KIF21B: variants seen among roughly 807,000 people sequenced by gnomAD.
KIF21B encodes kinesin family member 21B.
In KIF21B, 85 loss-of-function variants were observed where a neutral mutation model predicts 192.9. The observed-to-expected ratio is 0.44, with a 90% CI of 0.37 to 0.53. The LOEUF (loss-of-function observed/expected upper bound fraction) is 0.53. Among genes scored for constraint, KIF21B ranks in the 20% least tolerant of loss-of-function variants. KIF21B has a pLI of 0.00. For synonymous variants in KIF21B, 832 were observed against 884.6 expected (o/e 0.94, Z 1.05); for missense variants, 1,716 against 2,194.8 (o/e 0.78, Z 4.36).
intron 16 of KIF21B, 135 bp downstream of exon 16, chr1:200,992,147 C>T: frequency 1.4e-6 from 1 of 713,858 alleles, no homozygotes; most frequent in Non-Finnish European, 2.4e-6. Context: ...GCTGTACTGT[C>T]CTCCAAGCAT....
chr1:200,996,104 T>G (rs1481753371), intron 15 of KIF21B, 92 bp downstream of exon 15: 2 of 1,276,160 alleles, frequency 1.6e-6, no homozygotes. Flanking sequence ...AATCCACACT[T>G]GACAGCAATG....
intron 21 of KIF21B, 81 bp downstream of exon 21, chr1:200,989,861 G>T (rs993453141): frequency 1.3e-5 from 15 of 1,131,890 alleles, no homozygotes; most frequent in Non-Finnish European, 1.7e-5. Flanking sequence ...GAGGCGCCAG[G>T]CCCCTGGGCT....
In KIF21B at chr1:200,982,443, G is replaced by A. The variant is rs1297814805; in HGVS notation, c.3842+613C>T. ...CCCCAGGTCCTGAGTCTTGCTCCTC[G>A]TTGTGCGGTGTCATGCTCGGCTGGC... On this transcript the variant is annotated intron_variant, in intron 28 of 34. Coordinates refer to ENST00000461742, the MANE Select transcript of KIF21B (RefSeq NM_001252102.2). The surrounding 1 kb of genome is among the most constrained non-coding windows in gnomAD (Gnocchi z 4.7). 6.6e-6 allele frequency among the ~76,000 whole-genome samples: 1 copy of A among 152,176 alleles called. No individual in the cohort carries two copies. The highest frequency in any genetic ancestry group is 1.9e-4 in the East Asian group (1 of 5,186).
At chr1:201,020,062 T>C (rs1380840056) in intron 1 of KIF21B, among the ~76,000 whole-genome samples, 2 of 151,874 alleles carry the variant, frequency 1.3e-5, no homozygotes. Context: ...TATCCCCTAC[T>C]TAACCCTGTA....
At chr1:200,997,927 A>C (rs1657183012) in intron 14 of KIF21B, among the ~76,000 whole-genome samples, 1 of 152,206 alleles carries the variant, frequency 6.6e-6, no homozygotes, top group Non-Finnish European at 1.5e-5. Flanking sequence ...CAATATCTCT[A>C]GCACTAGAAC....
chr1:200,974,758 G>A lies in KIF21B; in HGVS notation c.4770C>T (p.Ile1590=). ...IGEIKGHDSP[I]NAICTNAKHI... ...GCTTGGCATTGGTGCAGATGGCATT[G>A]ATGGGACTGTCGTGGCCCTTGATCT... Residue 1590 remains isoleucine (I), a synonymous_variant, in exon 34 of 35, where the codon ATC becomes ATT. Transcript: ENST00000461742. The A allele has an allele frequency of 6.2e-7, 1 of 1,614,242 alleles. No individual in the cohort carries two copies. Among genetic ancestry groups the A allele is most frequent in the Non-Finnish European group, 8.5e-7 (1 of 1,180,030 alleles).
In KIF21B at chr1:200,988,470, T is replaced by C. The variant is rs377138372; in HGVS notation, c.3350+23A>G. 14 of 1,510,506 alleles carry C rather than the reference T, an allele frequency of 9.3e-6. No homozygotes were observed. In the African/African-American group the frequency reaches 1.3e-4, roughly 14 times the overall value. 93.6% of individuals were successfully genotyped at this position (1,510,506 alleles called of 1,614,324 possible). A position where few individuals can be genotyped will look rare whatever the true frequency, so the allele number is the denominator to read the frequency against. On this transcript the variant is annotated intron_variant, in intron 23 of 34. Coordinates refer to ENST00000461742, the MANE Select transcript of KIF21B (RefSeq NM_001252102.2). Reference sequence around the variant, plus strand: ...CAGGTACATGCTGTGAGCCAGCCTCTCACTCCCAGCTTGCAAACTCACCTG... The same window carrying C: ...CAGGTACATGCTGTGAGCCAGCCTCCCACTCCCAGCTTGCAAACTCACCTG...
chr1:200,994,067 G>A (rs1656890523), intron 15 of KIF21B, among the ~76,000 whole-genome samples: 1 of 152,156 alleles, frequency 6.6e-6, no homozygotes, highest in African/African-American at 2.4e-5. Flanking sequence ...GGGGCTTAAG[G>A]CTTCCTGGGG....
Position 201,005,665 on chromosome 1 carries a change from A to G in KIF21B, c.477T>C (p.Phe159=), listed in dbSNP as rs1657773746. Residue 159 remains phenylalanine, a synonymous_variant, in exon 4 of 35, where the codon TTT becomes TTC. Transcript: ENST00000461742. ...ELYNEEILDL[F]DSTRDPDTRH... is the part of the protein sequence containing the mutation. ...GGGTGTCAGGGTCACGGGTGCTGTC[A>G]AACAGGTCAAGGATCTCCTCGTTGT... The G allele has an allele frequency of 8.1e-6, 13 of 1,614,132 alleles. No homozygotes were observed. Among genetic ancestry groups the G allele is most frequent in the Non-Finnish European group, 1.1e-5 (13 of 1,180,016 alleles).
chr1:200,970,823 T>C lies in KIF21B; in HGVS notation c.*2698A>G, dbSNP rs1328913523. ...AGAGAGCGCTTTACTCCTGGTCCCA[T>C]GGCGTAAAGATGTGGCTGGGCCTGA... is the stretch of plus-strand genomic sequence containing the variant. On this transcript the variant is annotated 3_prime_UTR_variant, in exon 35 of 35. Coordinates refer to ENST00000461742, the MANE Select transcript of KIF21B (RefSeq NM_001252102.2). The C allele has an allele frequency of 6.6e-6, 1 of 152,356 alleles. No individual in the cohort carries two copies. The highest frequency in any genetic ancestry group is 2.4e-5 in the African/African-American group (1 of 41,434). 9.4% of individuals were successfully genotyped at this position (152,356 alleles called of 1,614,324 possible). A position where few individuals can be genotyped will look rare whatever the true frequency, so the allele number is the denominator to read the frequency against.
At position 201,013,255 on chromosome 1, in the gene KIF21B, C is replaced by T. The variant is rs114090310; in HGVS notation, c.42-3767G>A. On this transcript the variant is annotated intron_variant, in intron 1 of 34. Coordinates refer to ENST00000461742, the MANE Select transcript of KIF21B (RefSeq NM_001252102.2). ...TCTGCCCTGGCTCTCTTGTGGTTTA[C>T]GAGCCACTGCTTCCTTCTAGGTTAC... Among the ~76,000 whole-genome samples, 1,198 of 152,268 alleles carry T rather than the reference C, an allele frequency of 7.9e-3. 22 individuals carry two copies. The highest frequency in any genetic ancestry group is 0.028 in the African/African-American group (1,153 of 41,538).
Position 201,002,315 on chromosome 1 carries a change from G to A in KIF21B, c.1248C>T (p.Gly416=). 1 of 1,614,168 alleles carries A rather than the reference G, an allele frequency of 6.2e-7. No individual in the cohort carries two copies. The highest frequency in any genetic ancestry group is 8.5e-7 in the Non-Finnish European group (1 of 1,180,018). ...CATTCTCTCGGAACAGATCACTATA[G>A]CCCTCAGCGCCATCCTCTCCTATCA... ...KRVIGEDGAE[G]YSDLFRENAM... The change falls in exon 9 of 35, where the codon GGC becomes GGT. Residue 416 remains glycine (G), a synonymous_variant. Coordinates refer to ENST00000461742, the MANE Select transcript of KIF21B (RefSeq NM_001252102.2).
chr1:200,979,501 G>T, intron 30 of KIF21B, 34 bp downstream of exon 30: 11 of 1,492,952 alleles, frequency 7.4e-6, no homozygotes, highest in Non-Finnish European at 9.9e-6. Flanking sequence ...GCCTGCTGCA[G>T]CCGACCACTG....
At position 201,023,265 on chromosome 1, in the gene KIF21B, G is replaced by C. The variant is rs1370227775; in HGVS notation, c.41+78C>G. 1 of 1,311,962 alleles carries C rather than the reference G, an allele frequency of 7.6e-7. No individual in the cohort carries two copies. The highest frequency in any genetic ancestry group is 3.0e-5 in the East Asian group (1 of 33,812). The allele number at this position is 1,311,962 out of a possible 1,614,324, so 81.3% of individuals were successfully genotyped here. On this transcript the variant is annotated intron_variant, in intron 1 of 34. Coordinates refer to ENST00000461742, the MANE Select transcript of KIF21B (RefSeq NM_001252102.2). The surrounding 1 kb of genome is among the most constrained non-coding windows in gnomAD (Gnocchi z 5.9). Reference sequence around the variant, plus strand: ...GCAGGCTCCAGCCCAAGCGGTGCTCGCGCCCCCCGCCCAAAGCCCACGCGA... The same window carrying C: ...GCAGGCTCCAGCCCAAGCGGTGCTCCCGCCCCCCGCCCAAAGCCCACGCGA...
At position 200,974,773 on chromosome 1, in the gene KIF21B, G is replaced by A. The variant is rs1420876668; in HGVS notation, c.4755C>T (p.Gly1585=). The change falls in exon 34 of 35, where the codon GGC becomes GGT. Residue 1585 remains glycine, a synonymous_variant. Transcript: ENST00000461742. ...DNFTPIGEIK[G]HDSPINAICT... The stretch of plus-strand genomic sequence containing the variant: ...AGATGGCATTGATGGGACTGTCGTG[G>A]CCCTTGATCTCACCGATGGGTGTGA... 6.2e-7 allele frequency: 1 copy of A among 1,614,222 alleles called. No individual in the cohort carries two copies. The highest frequency in any genetic ancestry group is 8.5e-7 in the Non-Finnish European group (1 of 1,180,022).
chr1:200,978,055 G>A (rs1383367377), intron 30 of KIF21B, among the ~76,000 whole-genome samples: 1 of 143,818 alleles, frequency 7.0e-6, no homozygotes, highest in Non-Finnish European at 1.5e-5. Flanking sequence ...ATTTATGTTT[G>A]TTTGTTTGTT....
In KIF21B at chr1:201,002,145, GC is replaced by G. The variant is rs766514984; in HGVS notation, c.1402+15del. 2 of 1,612,064 alleles carry G rather than the reference GC, an allele frequency of 1.2e-6. No homozygotes were observed. Among genetic ancestry groups the G allele is most frequent in the African/African-American group, 2.7e-5 (2 of 75,034 alleles). On this transcript the variant is annotated intron_variant, in intron 9 of 34. Transcript: ENST00000461742. ...CCCGTTGGTGCTCTGACCTGGCCTGGCACAGCCCAACTCACCGGCCTTGGCT... is the reference window on the plus strand; with the variant it reads ...CCCGTTGGTGCTCTGACCTGGCCTGGACAGCCCAACTCACCGGCCTTGGCT...
intron 1 of KIF21B, among the ~76,000 whole-genome samples, chr1:201,010,227 G>A (rs1353325604): frequency 6.6e-6 from 1 of 152,162 alleles, no homozygotes; most frequent in Non-Finnish European, 1.5e-5. Context: ...TCCAGGAGTT[G>A]GGCGGGGGAG....
intron 3 of KIF21B, among the ~76,000 whole-genome samples, chr1:201,008,436 G>T (rs796895350): frequency 6.6e-6 from 1 of 152,154 alleles, no homozygotes; most frequent in South Asian, 2.1e-4. Context: ...TAAGGAAACA[G>T]GTACCACCCC....
Sources: allele counts gnomAD v4.1 joint callset (sites outside exome capture counted in the v4.1 genomes callset), GRCh38; gene constraint gnomAD v4.1.1; non-coding constraint Gnocchi (gnomAD v3.1); transcripts MANE v1.5; gene names NCBI Gene and HGNC (gene_info 2026-07-23, HGNC 2026-07-21).